Variants in CCDC148 observed in about 807,000 individuals in gnomAD.
CCDC148 encodes coiled-coil domain-containing protein 148.
In CCDC148, 89 loss-of-function variants were observed where a neutral mutation model predicts 85.7. The observed-to-expected ratio is 1.04, with a 90% CI of 0.87 to 1.24. The LOEUF is 1.24. Ranked by LOEUF, CCDC148 falls within the 50% of genes most tolerant of loss-of-function variation. The probability of loss-of-function intolerance (pLI) is 0.00; values close to 1 mark genes in which losing one functional copy is unlikely to be tolerated. For synonymous variants in CCDC148, 230 were observed against 213.9 expected, an observed-to-expected ratio of 1.08 and a Z score of -0.66; for missense variants, 692 against 671.7, an observed-to-expected ratio of 1.03 and a Z score of -0.33.
chr2:158,435,863 A>G (rs537058362), intron 1 of CCDC148, among the ~76,000 whole-genome samples: 1 of 152,240 alleles, frequency 6.6e-6, no homozygotes, highest in Non-Finnish European at 1.5e-5. Context: ...ACCGACAAAG[A>G]TCAAAAGAGA....
At chr2:158,362,575 AAAT>A (rs1302471783) in intron 1 of CCDC148, among the ~76,000 whole-genome samples, 3 of 152,212 alleles carry the variant, frequency 2.0e-5, no homozygotes, top group Non-Finnish European at 4.4e-5. Flanking sequence ...ACTACTGGGT[AAAT>A]AATAAAATTA....
chr2:158,358,069 G>T (rs992770252), intron 2 of CCDC148, among the ~76,000 whole-genome samples: 2 of 152,076 alleles, frequency 1.3e-5, no homozygotes, highest in Admixed American at 1.3e-4. Context: ...AGCACCTGAG[G>T]ACATATTTGT....
intron 9 of CCDC148, among the ~76,000 whole-genome samples, chr2:158,277,757 C>A (rs1194611907): frequency 6.6e-6 from 1 of 152,170 alleles, no homozygotes; most frequent in Non-Finnish European, 1.5e-5. Context: ...CCATCATGCC[C>A]AGCTAATTTT....
chr2:158,362,867 TC>T (rs1307686783), intron 1 of CCDC148, among the ~76,000 whole-genome samples: 2 of 151,940 alleles, frequency 1.3e-5, no homozygotes, highest in Admixed American at 6.5e-5. Flanking sequence ...CTTCAAAAAA[TC>T]CATAAATCCA....
At chr2:158,181,701 G>A (rs1409616741) in intron 11 of CCDC148, among the ~76,000 whole-genome samples, 2 of 152,142 alleles carry the variant, frequency 1.3e-5, no homozygotes, top group African/African-American at 4.8e-5. Context: ...GCCCAGAGGT[G>A]AGAGTGAGCA....
At chr2:158,300,979 T>C (rs1241293044) in intron 9 of CCDC148, among the ~76,000 whole-genome samples, 2 of 152,176 alleles carry the variant, frequency 1.3e-5, no homozygotes, top group Admixed American at 6.5e-5. Flanking sequence ...CTCAACCTCC[T>C]GAGTAGCTAG....
intron 1 of CCDC148, among the ~76,000 whole-genome samples, chr2:158,370,164 C>T (rs562027958): frequency 1.1e-4 from 17 of 151,954 alleles, no homozygotes; most frequent in African/African-American, 4.1e-4. Flanking sequence ...TCAGGATAGA[C>T]AGCTAATGCA....
chr2:158,264,400 G>GA (rs1325875597), intron 9 of CCDC148, among the ~76,000 whole-genome samples: 1 of 151,918 alleles, frequency 6.6e-6, no homozygotes, highest in Admixed American at 6.6e-5. Context: ...TATTAACTGG[G>GA]AAAAAATCAT....
At chr2:158,242,553 T>C (rs918200264) in intron 10 of CCDC148, among the ~76,000 whole-genome samples, 4 of 151,632 alleles carry the variant, frequency 2.6e-5, no homozygotes, top group African/African-American at 9.7e-5. Flanking sequence ...AGCCCCATGC[T>C]CAATACCACC....
intron 9 of CCDC148, among the ~76,000 whole-genome samples, chr2:158,264,893 C>T (rs1053228122): frequency 4.7e-4 from 71 of 152,142 alleles, no homozygotes; most frequent in African/African-American, 1.5e-3. Context: ...ACTAGAATAA[C>T]GTGCATTATT....
At chr2:158,278,004 C>A (rs62182643) in intron 9 of CCDC148, among the ~76,000 whole-genome samples, 8,896 of 152,220 alleles carry the variant, frequency 0.058, 360 homozygotes, top group Non-Finnish European at 0.081. Flanking sequence ...TGGTTCTAGC[C>A]ACTACACTGT....
intron 7 of CCDC148, among the ~76,000 whole-genome samples, chr2:158,326,346 C>T (rs1403684092): frequency 2.0e-5 from 3 of 152,178 alleles, no homozygotes; most frequent in Non-Finnish European, 4.4e-5. Context: ...AACCCCAACA[C>T]TTTCTATCTC....
At chr2:158,202,228 C>T (rs1391954450) in intron 11 of CCDC148, among the ~76,000 whole-genome samples, 3 of 152,120 alleles carry the variant, frequency 2.0e-5, no homozygotes, top group Non-Finnish European at 2.9e-5. Context: ...CACTTTCCCA[C>T]TTTGGGCAAA....
At chr2:158,321,415 G>A (rs930534398) in intron 7 of CCDC148, among the ~76,000 whole-genome samples, 1 of 152,126 alleles carries the variant, frequency 6.6e-6, no homozygotes, top group Non-Finnish European at 1.5e-5. Context: ...TAATTACGCT[G>A]CTGTTTCTGG....
Position 158,313,887 on chromosome 2 carries a change from G to A in CCDC148, c.772C>T (p.Gln258Ter), listed in dbSNP as rs781648248. The A allele has an allele frequency of 1.9e-6, 3 of 1,611,064 alleles. No homozygotes were observed. The highest frequency in any genetic ancestry group is 2.2e-5 in the East Asian group (1 of 44,782). Reference sequence around the variant, plus strand: ...ATCCAGTGGTCTTCTTCACTTAGTTGACAGTTTCTAGAAGCAACAAAAATG... The same window carrying A: ...ATCCAGTGGTCTTCTTCACTTAGTTAACAGTTTCTAGAAGCAACAAAAATG... ...LQLEDIYRNCQLSEEDHWIYQ... is the reference protein window; with the variant it reads ...LQLEDIYRNC The change falls in exon 8 of 14, where the codon CAA (glutamine) becomes TAA (stop). Residue 258 changes from glutamine to a stop codon, truncating the protein, a stop_gained. Coordinates refer to ENST00000283233, the MANE Select transcript of CCDC148 (RefSeq NM_138803.4). LOFTEE classifies it high-confidence loss of function.
intron 1 of CCDC148, among the ~76,000 whole-genome samples, chr2:158,438,106 C>G (rs1376829413): frequency 6.6e-6 from 1 of 152,098 alleles, no homozygotes; most frequent in Non-Finnish European, 1.5e-5. Flanking sequence ...ACTTTCTTCA[C>G]AGAATTGGAA....
intron 11 of CCDC148, among the ~76,000 whole-genome samples, chr2:158,215,574 T>A (rs1167796833): frequency 6.6e-6 from 1 of 152,092 alleles, no homozygotes; most frequent in East Asian, 1.9e-4. Flanking sequence ...TTTAAAGTTC[T>A]AGGGTACATA....
chr2:158,333,180 A>G (rs943207218), intron 7 of CCDC148, among the ~76,000 whole-genome samples: 5 of 152,142 alleles, frequency 3.3e-5, no homozygotes, highest in Non-Finnish European at 4.4e-5. Flanking sequence ...TTCCCTCTAC[A>G]CATTGCTTTA....
chr2:158,183,661 C>T (rs1685016481), intron 11 of CCDC148, among the ~76,000 whole-genome samples: 1 of 152,128 alleles, frequency 6.6e-6, no homozygotes, highest in Non-Finnish European at 1.5e-5. Context: ...CCCCTACCAC[C>T]TAACATTTCA....
Sources: allele counts gnomAD v4.1 joint callset (sites outside exome capture counted in the v4.1 genomes callset), GRCh38; gene constraint gnomAD v4.1.1; transcripts MANE v1.5; gene names NCBI Gene and HGNC (gene_info 2026-07-23, HGNC 2026-07-21).